Variants in PDE7B observed in about 807,000 individuals in gnomAD.
PDE7B encodes the protein 3',5'-cyclic-AMP phosphodiesterase 7B.
Under a neutral mutation model 56.2 loss-of-function variants are expected in PDE7B, and 29 were observed. That is an observed-to-expected ratio of 0.52 (90% CI 0.38 to 0.70). PDE7B has a LOEUF of 0.70. Ranked by LOEUF, PDE7B falls within the 30% of genes least tolerant of loss-of-function variation. The pLI, the probability that PDE7B is intolerant of heterozygous loss-of-function variation, is 0.00. For missense variants in PDE7B, 490 were observed against 565.0 expected, an observed-to-expected ratio of 0.87 and a Z score of 1.35; for synonymous variants, 197 against 196.9, an observed-to-expected ratio of 1.00 and a Z score of 0.00.
chr6:135,971,491 A>G (rs1294293840), intron 2 of PDE7B, among the ~76,000 whole-genome samples: 8 of 151,862 alleles, frequency 5.3e-5, no homozygotes, highest in Admixed American at 5.2e-4. Context: ...AATTTTAATG[A>G]TCAGGGGAAG....
At chr6:136,098,040 A>T (rs1300210843) in intron 2 of PDE7B, 1 of 149,896 alleles carries the variant, frequency 6.7e-6, no homozygotes. Context: ...CAGATCAAAC[A>T]TCACCCCTTA....
chr6:135,948,804 T>C (rs149267867), intron 2 of PDE7B, among the ~76,000 whole-genome samples: 1,809 of 151,580 alleles, frequency 0.012, 34 homozygotes, highest in African/African-American at 0.041. Context: ...CTTGAAAGTG[T>C]GAAATGAAAA....
chr6:136,033,437 C>T (rs550078601), intron 2 of PDE7B, among the ~76,000 whole-genome samples: 1 of 152,250 alleles, frequency 6.6e-6, no homozygotes, highest in South Asian at 2.1e-4. Context: ...AATTAGGGCA[C>T]AAGAGGCCGG....
chr6:136,091,310 G>T (rs1777381388), intron 2 of PDE7B, among the ~76,000 whole-genome samples: 1 of 152,128 alleles, frequency 6.6e-6, no homozygotes, highest in Admixed American at 6.5e-5. Flanking sequence ...CTCCCATACT[G>T]GGCTGAGGGG....
intron 1 of PDE7B, among the ~76,000 whole-genome samples, chr6:135,941,786 C>A (rs1474245959): frequency 1.3e-5 from 2 of 152,208 alleles, no homozygotes; most frequent in Non-Finnish European, 2.9e-5. Context: ...GACACTCAGG[C>A]AAACCTCCAA....
chr6:136,122,613 T>C (rs770521317), intron 3 of PDE7B, among the ~76,000 whole-genome samples: 15 of 152,244 alleles, frequency 9.9e-5, no homozygotes, highest in Non-Finnish European at 2.1e-4. Context: ...CCATTATTGG[T>C]GTACAATCTA....
chr6:135,969,835 G>A (rs1775061603), intron 2 of PDE7B, among the ~76,000 whole-genome samples: 1 of 152,100 alleles, frequency 6.6e-6, no homozygotes, highest in African/African-American at 2.4e-5. Flanking sequence ...ACTGTATAAT[G>A]GAAAAGGACC....
At position 136,181,218 on chromosome 6, in the gene PDE7B, A is replaced by G; in HGVS notation, c.949-9A>G. The stretch of plus-strand genomic sequence containing the variant: ...TCTCACAATTTCTCCCCGCCCTGTC[A>G]TTTCTCAGATCGCCTTGAAGTGTGC... On this transcript the variant is annotated splice_polypyrimidine_tract_variant and intron_variant, in intron 10 of 12. Coordinates refer to ENST00000308191, the MANE Select transcript of PDE7B (RefSeq NM_018945.4). 6.2e-7 allele frequency: 1 copy of G among 1,606,652 alleles called. No homozygotes were observed. The highest frequency in any genetic ancestry group is 1.1e-5 in the South Asian group (1 of 90,822).
rs1399036706 is a variant in PDE7B at position 136,056,682 on chromosome 6, C to T, written c.83-52049C>T. Among the ~76,000 whole-genome samples, 3 of 151,790 alleles carry T rather than the reference C, an allele frequency of 2.0e-5. No homozygotes were observed. In the East Asian group the frequency reaches 5.8e-4, roughly 29 times the overall value. On this transcript the variant is annotated intron_variant, in intron 2 of 12. Transcript: ENST00000308191. ...AAATAGCTGGGATTACAGGCACCTG[C>T]CACCACACCCAGCTAATTTTTGTAT...
At chr6:136,166,566 G>C (rs149215304) in intron 8 of PDE7B, among the ~76,000 whole-genome samples, 1 of 152,242 alleles carries the variant, frequency 6.6e-6, no homozygotes, top group East Asian at 1.9e-4. Flanking sequence ...GAGCAAGAGA[G>C]AGAGTGAGGG....
chr6:136,191,161 G>C (rs1481612024), intron 12 of PDE7B, among the ~76,000 whole-genome samples: 2 of 151,950 alleles, frequency 1.3e-5, no homozygotes, highest in African/African-American at 4.8e-5. Flanking sequence ...AACCCTACGA[G>C]TTTAGTATTC....
chr6:135,903,769 T>C (rs1324062815), intron 1 of PDE7B, among the ~76,000 whole-genome samples: 1 of 152,206 alleles, frequency 6.6e-6, no homozygotes, highest in Non-Finnish European at 1.5e-5. Context: ...AAATCTTGTA[T>C]TTTTAGAGAA....
intron 1 of PDE7B, among the ~76,000 whole-genome samples, chr6:135,919,523 A>T (rs1045330317): frequency 2.6e-4 from 40 of 152,344 alleles, no homozygotes; most frequent in African/African-American, 9.4e-4. Flanking sequence ...TCTCAACATG[A>T]CAGTAGTACA....
At chr6:136,156,756 G>T (rs1778611599) in intron 8 of PDE7B, among the ~76,000 whole-genome samples, 1 of 152,070 alleles carries the variant, frequency 6.6e-6, no homozygotes, top group African/African-American at 2.4e-5. Context: ...TAGCCAAATT[G>T]GTGCTTGTCA....
chr6:136,148,791 G>A (rs899851978), intron 4 of PDE7B, among the ~76,000 whole-genome samples: 1 of 152,140 alleles, frequency 6.6e-6, no homozygotes, highest in African/African-American at 2.4e-5. Context: ...GCTATCACAG[G>A]CCAAGTCCTA....
At chr6:136,154,884 T>C (rs1778580021) in intron 7 of PDE7B, among the ~76,000 whole-genome samples, 1 of 152,228 alleles carries the variant, frequency 6.6e-6, no homozygotes, top group Non-Finnish European at 1.5e-5. Context: ...CATATGCGGA[T>C]GCTTTGACAG....
chr6:135,950,011 T>C (rs905700272), intron 2 of PDE7B, among the ~76,000 whole-genome samples: 17 of 152,064 alleles, frequency 1.1e-4, no homozygotes, highest in African/African-American at 3.6e-4. Context: ...AAATCTTAGA[T>C]GGAAGAATAC....
chr6:136,156,620 T>C (rs1778609793), intron 8 of PDE7B, among the ~76,000 whole-genome samples: 1 of 152,232 alleles, frequency 6.6e-6, no homozygotes, highest in Non-Finnish European at 1.5e-5. Flanking sequence ...TAGGATCTCT[T>C]GGAGGCTATA....
chr6:136,132,930 C>T (rs551613105), intron 3 of PDE7B, among the ~76,000 whole-genome samples: 7 of 152,172 alleles, frequency 4.6e-5, no homozygotes, highest in Non-Finnish European at 2.9e-5. Context: ...ATCCATAGAG[C>T]GCCGTGGGCA....
Sources: gnomAD v4.1 joint callset for allele counts (sites outside exome capture counted in the v4.1 genomes callset) on GRCh38, gnomAD v4.1.1 for gene constraint, MANE v1.5 for transcripts, NCBI Gene and HGNC (gene_info 2026-07-23, HGNC 2026-07-21) for gene names.